Variants in H2BK1 observed in about 807,000 individuals in gnomAD.
H2BK1 encodes the protein histone H2B type 2-K1.
the H2BK1 span, among the ~76,000 whole-genome samples, chr7:151,209,969 T>TG: frequency 6.6e-6 from 1 of 152,200 alleles, no homozygotes; most frequent in Non-Finnish European, 1.5e-5. Context: ...TTCTGGAGGG[T>TG]GGCAGGGAGC....
chr7:151,209,540 A>C, the H2BK1 span, among the ~76,000 whole-genome samples: 1 of 152,284 alleles, frequency 6.6e-6, no homozygotes, highest in Admixed American at 6.5e-5. Flanking sequence ...TCAGTGTTCC[A>C]AGTCCTGGGA....
At chr7:151,207,949 C>A in the H2BK1 span, 12 of 1,316,946 alleles carry the variant, frequency 9.1e-6, no homozygotes, top group Non-Finnish European at 1.3e-5. Context: ...CAGGCAGCAG[C>A]AGACGCACAG....
At chr7:151,208,269 A>C in the H2BK1 span, among the ~76,000 whole-genome samples, 1 of 152,354 alleles carries the variant, frequency 6.6e-6, no homozygotes, top group East Asian at 1.9e-4. Context: ...ACAGTCATGG[A>C]AATAGGGATT....
At chr7:151,208,231 C>T in the H2BK1 span, 1 of 873,832 alleles carries the variant, frequency 1.1e-6, no homozygotes, top group Non-Finnish European at 1.8e-6. Flanking sequence ...GGCAAGGAGG[C>T]TCCTCACCAG....
At chr7:151,209,460 G>C in the H2BK1 span, among the ~76,000 whole-genome samples, 1 of 152,186 alleles carries the variant, frequency 6.6e-6, no homozygotes, top group African/African-American at 2.4e-5. Context: ...GCAACACATG[G>C]CTACCCCCGC....
the H2BK1 span, chr7:151,207,921 C>T: frequency 1.0e-5 from 12 of 1,174,644 alleles, no homozygotes; most frequent in Middle Eastern, 1.9e-4. Flanking sequence ...TCAGACACAG[C>T]GTGCTTGGCC....
At chr7:151,209,679 T>C in the H2BK1 span, among the ~76,000 whole-genome samples, 4 of 152,130 alleles carry the variant, frequency 2.6e-5, no homozygotes, top group African/African-American at 7.2e-5. Flanking sequence ...TGTCAGGCCA[T>C]GTGATGCAGG....
chr7:151,209,130 C>A, the H2BK1 span, among the ~76,000 whole-genome samples: 1 of 152,126 alleles, frequency 6.6e-6, no homozygotes, highest in African/African-American at 2.4e-5. Context: ...GCAGCACTCT[C>A]CTCTGTGAGT....
chr7:151,208,394 C>G, the H2BK1 span, among the ~76,000 whole-genome samples: 8 of 152,218 alleles, frequency 5.3e-5, no homozygotes, highest in Non-Finnish European at 8.8e-5. Flanking sequence ...CTGTATTTAA[C>G]AAATGGGACC....
the H2BK1 span, chr7:151,208,144 G>A: frequency 2.0e-5 from 32 of 1,605,436 alleles, no homozygotes; most frequent in East Asian, 5.4e-4. Context: ...TAATGGAAGG[G>A]GCCAGGGGAG....
the H2BK1 span, among the ~76,000 whole-genome samples, chr7:151,209,793 A>C: frequency 6.6e-6 from 1 of 152,062 alleles, no homozygotes; most frequent in Non-Finnish European, 1.5e-5. Context: ...GACCTTCCCC[A>C]AGACTCCAGT....
chr7:151,208,256 C>T, the H2BK1 span: 1 of 689,818 alleles, frequency 1.4e-6, no homozygotes, highest in Non-Finnish European at 2.5e-6. Flanking sequence ...TTCCCAGAGG[C>T]CAACAGTCAT....
At chr7:151,210,228 T>G in the H2BK1 span, 1 of 399,228 alleles carries the variant, frequency 2.5e-6, no homozygotes, top group Non-Finnish European at 4.4e-6. Flanking sequence ...TAGGACTCCT[T>G]GCGCCGACAG....
At chr7:151,208,450 G>A in the H2BK1 span, among the ~76,000 whole-genome samples, 2 of 152,220 alleles carry the variant, frequency 1.3e-5, no homozygotes, top group South Asian at 2.1e-4. Context: ...TTTGCATAGT[G>A]TTCCACGGTA....
the H2BK1 span, chr7:151,210,379 T>C: frequency 0.017 from 3,773 of 222,808 alleles, 79 homozygotes; most frequent in African/African-American, 0.065. Flanking sequence ...TCAAGTCAGC[T>C]GCCCCACCAG....
chr7:151,209,953 G>A, the H2BK1 span, among the ~76,000 whole-genome samples: 7 of 152,142 alleles, frequency 4.6e-5, no homozygotes, highest in Non-Finnish European at 7.3e-5. Flanking sequence ...CATCGTTCCC[G>A]TAAACTTCTG....
chr7:151,208,192 C>T, the H2BK1 span: 5 of 1,420,788 alleles, frequency 3.5e-6, no homozygotes, highest in Admixed American at 9.0e-5. Context: ...CAGCCCTGAG[C>T]TGGGGGCTCT....
the H2BK1 span, among the ~76,000 whole-genome samples, chr7:151,209,291 T>C: frequency 6.6e-6 from 1 of 152,018 alleles, no homozygotes; most frequent in Non-Finnish European, 1.5e-5. Context: ...ATATCAGTGC[T>C]GGACCCACCC....
the H2BK1 span, chr7:151,208,220 A>AG: frequency 1.0e-6 from 1 of 992,584 alleles, no homozygotes. Flanking sequence ...CAGAGGCAGA[A>AG]GGCAAGGAGG....
Sources: allele counts gnomAD v4.1 joint callset (sites outside exome capture counted in the v4.1 genomes callset), GRCh38; gene constraint gnomAD v4.1.1; transcripts MANE v1.5; gene names NCBI Gene and HGNC (gene_info 2026-07-23, HGNC 2026-07-21).